CACNA1D: variants seen among roughly 807,000 people sequenced by gnomAD.
CACNA1D encodes calcium voltage-gated channel subunit alpha1 D.
CACNA1D carries 55 observed loss-of-function variants against 257.1 expected under a neutral mutation model. That is an observed-to-expected ratio of 0.21 (90% CI 0.17 to 0.27). The LOEUF (loss-of-function observed/expected upper bound fraction) is 0.27, where lower values mean the gene tolerates loss of function less well. Among genes scored for constraint, CACNA1D ranks in the 10% least tolerant of loss-of-function variants. The probability of loss-of-function intolerance (pLI) is 1.00; values close to 1 mark genes in which losing one functional copy is unlikely to be tolerated. For missense variants in CACNA1D, 1,876 were observed against 2,784.0 expected, an observed-to-expected ratio of 0.67 and a Z score of 7.34; for synonymous variants, 980 against 1,014.9, an observed-to-expected ratio of 0.97 and a Z score of 0.65.
In CACNA1D at chr3:53,722,352, G is replaced by A. The variant is rs1453924801; in HGVS notation, c.1544G>A (p.Arg515Lys). 3.1e-6 allele frequency: 5 copies of A among 1,614,236 alleles called. No individual in the cohort carries two copies. The highest frequency in any genetic ancestry group is 1.1e-5 in the South Asian group (1 of 91,088). Reference sequence around the variant, plus strand: ...CGCTGGAACCGATTCAATCGCAGAAGATGTAGGGCCGCCGTGAAGTCTGTC... The same window carrying A: ...CGCTGGAACCGATTCAATCGCAGAAAATGTAGGGCCGCCGTGAAGTCTGTC... ...WRRWNRFNRR[R>K]CRAAVKSVTF... The change falls in exon 12 of 48, where the codon AGA becomes AAA. Residue 515 changes from arginine (R) to lysine (K), a missense_variant. By Grantham distance (26) the Arg-to-Lys change is conservative. This residue lies in a region of CACNA1D where 257 missense variants were observed against 399.7 expected (regional missense o/e 0.64). Coordinates refer to ENST00000350061, the MANE Select transcript of CACNA1D (RefSeq NM_001128840.3).
intron 3 of CACNA1D, among the ~76,000 whole-genome samples, chr3:53,560,194 GA>G (rs936845483): frequency 1.6e-4 from 25 of 152,072 alleles, no homozygotes; most frequent in African/African-American, 5.8e-4. Flanking sequence ...ACTGGAGGGG[GA>G]AAACAGTGGA....
At chr3:53,561,445 T>A (rs1023186479) in intron 3 of CACNA1D, among the ~76,000 whole-genome samples, 3 of 152,196 alleles carry the variant, frequency 2.0e-5, no homozygotes. Flanking sequence ...TCTGTCATGG[T>A]AGCTGTGAGA....
chr3:53,525,286 G>A (rs942362490), intron 3 of CACNA1D, among the ~76,000 whole-genome samples: 4 of 152,164 alleles, frequency 2.6e-5, no homozygotes, highest in Non-Finnish European at 5.9e-5. Context: ...AGCAGTAGAA[G>A]TAAAAATCCT....
chr3:53,812,617 AG>A lies in CACNA1D; in HGVS notation c.*1213del, dbSNP rs1428758852. ...TAAGTAAGTAAGTGAATTACAGAGC[AG>A]GTCCAGCTGGCTGCTCTGCCCCTTG... is the stretch of plus-strand genomic sequence containing the variant. On this transcript the variant is annotated 3_prime_UTR_variant, in exon 48 of 48. Coordinates refer to ENST00000350061, the MANE Select transcript of CACNA1D (RefSeq NM_001128840.3). 1 of 152,140 alleles carries A rather than the reference AG, an allele frequency of 6.6e-6. No individual in the cohort carries two copies. Among genetic ancestry groups the A allele is most frequent in the African/African-American group, 2.4e-5 (1 of 41,410 alleles). 9.4% of individuals were successfully genotyped at this position (152,140 alleles called of 1,614,324 possible).
At chr3:53,531,442 T>G (rs1420717969) in intron 3 of CACNA1D, among the ~76,000 whole-genome samples, 2 of 152,190 alleles carry the variant, frequency 1.3e-5, no homozygotes, top group African/African-American at 4.8e-5. Flanking sequence ...GAAAAACATG[T>G]CTTTAAACCA....
intron 3 of CACNA1D, among the ~76,000 whole-genome samples, chr3:53,513,506 C>T (rs530901531): frequency 7.2e-5 from 11 of 152,056 alleles, no homozygotes; most frequent in East Asian, 3.9e-4. Flanking sequence ...TGGTGGCACA[C>T]GCCTGTGATT....
rs368864820 is a variant in CACNA1D at position 53,735,495 on chromosome 3, C to T, written c.2743C>T (p.Arg915Trp). The change falls in exon 20 of 48, where the codon CGG becomes TGG. Residue 915 changes from arginine (R) to tryptophan (W), a missense_variant. Around this residue, in one of 10 missense-constraint regions of CACNA1D, gnomAD observed 271 missense variants for 425.5 expected, o/e 0.64. Transcript: ENST00000350061. ...AEDPIRSHSF[R>W]NTILGYFDYA... Reference sequence around the variant, plus strand: ...GGACCCCATCCGCAGCCACTCCTTCCGGAACACGGTAAGTCCCCAGGGTGG... The same window carrying T: ...GGACCCCATCCGCAGCCACTCCTTCTGGAACACGGTAAGTCCCCAGGGTGG... The T allele has an allele frequency of 1.2e-5, 19 of 1,614,110 alleles. No homozygotes were observed. The highest frequency in any genetic ancestry group is 1.2e-4 in the Admixed American group (7 of 60,024).
chr3:53,590,989 G>A (rs2093296108), intron 3 of CACNA1D, among the ~76,000 whole-genome samples: 2 of 152,140 alleles, frequency 1.3e-5, no homozygotes, highest in Admixed American at 6.5e-5. Flanking sequence ...ATACACATTT[G>A]AGGAGGCACT....
At chr3:53,710,590 A>G (rs915652275) in intron 9 of CACNA1D, 9 of 375,666 alleles carry the variant, frequency 2.4e-5, no homozygotes, top group Admixed American at 6.4e-5. Context: ...GAAGATGCCT[A>G]TATTTTAATT....
intron 40 of CACNA1D, among the ~76,000 whole-genome samples, chr3:53,788,098 TGA>T (rs1401751927): frequency 3.9e-5 from 6 of 152,056 alleles, no homozygotes; most frequent in East Asian, 1.9e-4. Context: ...TTGATCTTGC[TGA>T]GAGAGAGAAT....
chr3:53,579,869 A>G (rs2093101758), intron 3 of CACNA1D, among the ~76,000 whole-genome samples: 1 of 152,240 alleles, frequency 6.6e-6, no homozygotes, highest in South Asian at 2.1e-4. Flanking sequence ...AGGCAGTGCC[A>G]TGCAGGCCCC....
chr3:53,769,777 GT>G (rs2095356299), intron 30 of CACNA1D, among the ~76,000 whole-genome samples, 195 bp from the exon 31 acceptor site: 1 of 152,212 alleles, frequency 6.6e-6, no homozygotes, highest in South Asian at 2.1e-4. Flanking sequence ...AAGTGGTACT[GT>G]GTCCATGCCC....
At chr3:53,677,582 A>G (rs1252692749) in intron 8 of CACNA1D, among the ~76,000 whole-genome samples, 2 of 152,098 alleles carry the variant, frequency 1.3e-5, no homozygotes, top group African/African-American at 4.8e-5. Flanking sequence ...GGAGTGTAGC[A>G]TTTTCTGGAT....
At chr3:53,498,331 A>G (rs1391111551) in intron 2 of CACNA1D, among the ~76,000 whole-genome samples, 1 of 152,196 alleles carries the variant, frequency 6.6e-6, no homozygotes, top group East Asian at 1.9e-4. Flanking sequence ...AATGGCTGTC[A>G]TGTCCCAGAT....
chr3:53,560,771 C>T (rs1238557012), intron 3 of CACNA1D, among the ~76,000 whole-genome samples: 1 of 152,172 alleles, frequency 6.6e-6, no homozygotes, highest in African/African-American at 2.4e-5. Context: ...TGATTTCTTA[C>T]AACCGTTTAG....
intron 3 of CACNA1D, among the ~76,000 whole-genome samples, chr3:53,557,117 G>A (rs551602962): frequency 3.3e-5 from 5 of 152,210 alleles, no homozygotes; most frequent in Admixed American, 1.3e-4. Flanking sequence ...TTTTGATGTC[G>A]TATCTAAGAA....
chr3:53,506,384 A>G (rs188854409), intron 3 of CACNA1D, among the ~76,000 whole-genome samples: 2 of 152,206 alleles, frequency 1.3e-5, no homozygotes, highest in Admixed American at 6.5e-5. Context: ...GTGGAGTGTG[A>G]TGGTCTGCTC....
At chr3:53,734,354 CAT>C (rs1185905507) in intron 19 of CACNA1D, among the ~76,000 whole-genome samples, 1 of 151,588 alleles carries the variant, frequency 6.6e-6, no homozygotes, top group Admixed American at 6.6e-5. Context: ...AGAATTTAAA[CAT>C]ATACATACAT....
At chr3:53,803,748 C>G (rs2095548027) in intron 44 of CACNA1D, among the ~76,000 whole-genome samples, 176 bp downstream of exon 44, 1 of 152,240 alleles carries the variant, frequency 6.6e-6, no homozygotes, top group East Asian at 1.9e-4. Context: ...CGCAGAGAGG[C>G]AGGGTGAGGG....
Sources: allele counts gnomAD v4.1 joint callset (sites outside exome capture counted in the v4.1 genomes callset), GRCh38; gene constraint gnomAD v4.1.1; regional missense constraint gnomAD v4.1.1; transcripts MANE v1.5; gene names NCBI Gene and HGNC (gene_info 2026-07-23, HGNC 2026-07-21).